The following NINJ2 variants were observed in gnomAD, a reference collection of about 807,000 sequenced individuals.
NINJ2 encodes the protein ninjurin 2, also known as ninjurin-2.
In NINJ2, 12 loss-of-function variants were observed where a neutral mutation model predicts 11.7. The observed-to-expected ratio is 1.02, with a 90% CI of 0.66 to 1.66. The LOEUF (loss-of-function observed/expected upper bound fraction) is 1.66, where lower values mean the gene tolerates loss of function less well. NINJ2 is among the 40% of genes most tolerant of loss of function. NINJ2 has a pLI of 0.00. For synonymous variants in NINJ2, 93 were observed against 76.8 expected (o/e 1.21, Z -1.10); for missense variants, 187 against 181.8 (o/e 1.03, Z -0.16).
rs116385040 is a variant in NINJ2 at position 581,863 on chromosome 12, C to G, written c.34-15685G>C. 1.1e-3 allele frequency among the ~76,000 whole-genome samples: 168 copies of G among 152,282 alleles called. 3 individuals are homozygous for G. The highest frequency in any genetic ancestry group is 3.9e-3 in the African/African-American group (162 of 41,564). The stretch of plus-strand genomic sequence containing the variant: ...CCTCAGCAAAAGTCAATGTAAGTCC[C>G]AGGCGATGTCTAACTCAGCCCCAAG... On this transcript the variant is annotated intron_variant, in intron 1 of 3. Coordinates refer to ENST00000305108, the MANE Select transcript of NINJ2 (RefSeq NM_016533.6). The surrounding 1 kb of genome is among the most constrained non-coding windows in gnomAD (Gnocchi z 4.9).
At chr12:643,316 C>T in intron 1 of NINJ2, 1 of 503,704 alleles carries the variant, frequency 2.0e-6, no homozygotes, top group Middle Eastern at 3.9e-4. Context: ...GTCGCGGCCT[C>T]GCAGCCTCGC....
chr12:644,692 A>C (rs1937648661), intron 1 of NINJ2: 1 of 152,220 alleles, frequency 6.6e-6, no homozygotes, highest in Non-Finnish European at 1.5e-5. Flanking sequence ...CCTGAAAAAA[A>C]TTTATTGACA....
chr12:565,548 G>C, intron 2 of NINJ2, 147 bp from the exon 3 acceptor site: 1 of 826,802 alleles, frequency 1.2e-6, no homozygotes, highest in Non-Finnish European at 1.9e-6. Context: ...ATCGGGCTGA[G>C]ATGCCTCTGC....
chr12:639,994 C>A (rs1199353628), intron 1 of NINJ2, among the ~76,000 whole-genome samples: 1 of 152,218 alleles, frequency 6.6e-6, no homozygotes, highest in Non-Finnish European at 1.5e-5. Flanking sequence ...AGGCCCAGGC[C>A]CCCGAATAGT....
chr12:565,866 A>T, intron 2 of NINJ2, 84 bp downstream of exon 2: 1 of 1,166,824 alleles, frequency 8.6e-7, no homozygotes, highest in Non-Finnish European at 1.3e-6. Flanking sequence ...GTGCCAATGC[A>T]GGGTGGCCCA....
At chr12:611,262 T>TC (rs1491416456) in intron 1 of NINJ2, among the ~76,000 whole-genome samples, 2,984 of 45,334 alleles carry the variant, frequency 0.066, 112 homozygotes, top group African/African-American at 0.29. Context: ...TCTCTCTTTC[T>TC]TTCTTTCTTT....
intron 1 of NINJ2, among the ~76,000 whole-genome samples, chr12:638,438 C>T (rs1217313059): frequency 3.6e-5 from 5 of 139,662 alleles, no homozygotes; most frequent in Admixed American, 7.2e-5. Flanking sequence ...TGTTTTGAGA[C>T]GGAGTCTCGC....
In NINJ2 at chr12:633,486, A is replaced by G. The variant is rs534098534; in HGVS notation, c.33+29842T>C. Among the ~76,000 whole-genome samples, 28 of 151,870 alleles carry G rather than the reference A, an allele frequency of 1.8e-4. No individual in the cohort carries two copies. In the East Asian group the frequency reaches 5.4e-3, roughly 29 times the overall value. ...CTGCATTCCAGCCTGGGCAACAGAA[A>G]GAGACTGTCTCCAAAAAAAAAAAAT... On this transcript the variant is annotated intron_variant, in intron 1 of 3. Transcript: ENST00000305108. The surrounding 1 kb of genome is among the most constrained non-coding windows in gnomAD (Gnocchi z 4.3).
At position 633,419 on chromosome 12, in the gene NINJ2, T is replaced by C. The variant is rs1383560025; in HGVS notation, c.33+29909A>G. Among the ~76,000 whole-genome samples, 1 of 151,536 alleles carries C rather than the reference T, an allele frequency of 6.6e-6. No individual in the cohort carries two copies. Among genetic ancestry groups the C allele is most frequent in the African/African-American group, 2.4e-5 (1 of 41,184 alleles). ...TTGCTGAGGCAGGCGAATCACTGGT[T>C]CCACCAGGAGGTGGACGCTGCAGTG... On this transcript the variant is annotated intron_variant, in intron 1 of 3. Transcript: ENST00000305108. This position sits in a 1 kb window ranked among gnomAD's most constrained non-coding sequence, Gnocchi z 4.3.
intron 1 of NINJ2, among the ~76,000 whole-genome samples, chr12:596,514 A>G (rs11063785): frequency 0.086 from 13,087 of 152,198 alleles, 725 homozygotes; most frequent in African/African-American, 0.16. Flanking sequence ...CAATTTCGCT[A>G]TGAATTTCGC....
At chr12:590,305 C>T (rs1040655855) in intron 1 of NINJ2, among the ~76,000 whole-genome samples, 10 of 151,970 alleles carry the variant, frequency 6.6e-5, no homozygotes, top group African/African-American at 2.4e-4. Context: ...GTCTGCAGCA[C>T]AGCATTGGCA....
At chr12:575,379 C>T (rs1217089582) in intron 1 of NINJ2, among the ~76,000 whole-genome samples, 1 of 152,200 alleles carries the variant, frequency 6.6e-6, no homozygotes, top group Admixed American at 6.5e-5. Flanking sequence ...TGCAGGGCCA[C>T]ACCAGATTAC....
Position 566,056 on chromosome 12 carries a change from C to T in NINJ2, c.156G>A (p.Ala52=), listed in dbSNP as rs770148471. The T allele has an allele frequency of 2.8e-5, 46 of 1,614,134 alleles. 3 individuals are homozygous for T. The highest frequency in any genetic ancestry group is 2.7e-4 in the South Asian group (25 of 91,072). ...LFMSNAMRLK[A]VLEQGPSSHY... ...GAGAGGATGGTCCCTGCTCCAGCAC[C>T]GCCTTCAGCCGCATGGCGTTGGACA... Residue 52 remains alanine, a synonymous_variant, in exon 2 of 4, where the codon GCG becomes GCA. Transcript: ENST00000305108.
chr12:639,948 T>A (rs1431303218), intron 1 of NINJ2, among the ~76,000 whole-genome samples: 2 of 152,254 alleles, frequency 1.3e-5, no homozygotes, highest in African/African-American at 4.8e-5. Flanking sequence ...GAATGAAGAT[T>A]GATGCCATCT....
chr12:648,984 A>ATCTGTCTATCTGTCTGTCTG lies in NINJ2; in HGVS notation c.33+14343_33+14344insCAGACAGACAGATAGACAGA, dbSNP rs1555167417. Among the ~76,000 whole-genome samples the ATCTGTCTATCTGTCTGTCTG allele has an allele frequency of 3.3e-4, 11 of 32,938 alleles. No individual in the cohort carries two copies. In the South Asian group the frequency reaches 4.3e-3, roughly 13 times the overall value. The allele number at this position is 32,938 out of a possible 152,430, so 21.6% of individuals were successfully genotyped here. A position where few individuals can be genotyped will look rare whatever the true frequency, so the allele number is the denominator to read the frequency against. ...TTTCAAAGAAGTCATCCACCTATCT[A>ATCTGTCTATCTGTCTGTCTG]TCTATCTATCTGTCTATCTATCTAT... On this transcript the variant is annotated intron_variant, in intron 1 of 3. Coordinates refer to ENST00000305108, the MANE Select transcript of NINJ2 (RefSeq NM_016533.6).
At chr12:600,266 G>T (rs931809704) in intron 1 of NINJ2, among the ~76,000 whole-genome samples, 9 of 152,110 alleles carry the variant, frequency 5.9e-5, no homozygotes, top group Admixed American at 5.9e-4. Flanking sequence ...TTACAAAATG[G>T]GTGGGGGCCA....
chr12:620,943 C>G (rs1481615496), intron 1 of NINJ2, among the ~76,000 whole-genome samples: 1 of 152,082 alleles, frequency 6.6e-6, no homozygotes, highest in East Asian at 1.9e-4. Context: ...GTTTTGAAGT[C>G]TTAAAGAGGT....
chr12:617,259 G>A (rs768975928), intron 1 of NINJ2, among the ~76,000 whole-genome samples: 34 of 152,082 alleles, frequency 2.2e-4, no homozygotes, highest in African/African-American at 8.2e-4. Flanking sequence ...TAATCTAAGC[G>A]AAGTTGTTGT....
chr12:620,672 C>T (rs1393586205), intron 1 of NINJ2, among the ~76,000 whole-genome samples: 1 of 152,200 alleles, frequency 6.6e-6, no homozygotes, highest in Non-Finnish European at 1.5e-5. Context: ...CTCTGTCACC[C>T]AGGCTGGAGT....
Sources: allele counts gnomAD v4.1 joint callset (sites outside exome capture counted in the v4.1 genomes callset), GRCh38; gene constraint gnomAD v4.1.1; non-coding constraint Gnocchi (gnomAD v3.1); transcripts MANE v1.5; gene names NCBI Gene and HGNC (gene_info 2026-07-23, HGNC 2026-07-21).